The following VPS13B variants were observed in gnomAD, a reference collection of about 807,000 sequenced individuals.
VPS13B encodes the protein intermembrane lipid transfer protein VPS13B.
Under a neutral mutation model 426.4 loss-of-function variants are expected in VPS13B, and 285 were observed. That is an observed-to-expected ratio of 0.67 (90% CI 0.61 to 0.74). The LOEUF (loss-of-function observed/expected upper bound fraction) is 0.74, where lower values mean the gene tolerates loss of function less well. Among genes scored for constraint, VPS13B ranks in the 30% least tolerant of loss-of-function variants. The pLI, the probability that VPS13B is intolerant of heterozygous loss-of-function variation, is 0.00. For missense variants in VPS13B, 4,537 were observed against 4,782.6 expected, an observed-to-expected ratio of 0.95 and a Z score of 1.51; for synonymous variants, 1,676 against 1,676.4, an observed-to-expected ratio of 1.00 and a Z score of 0.01.
At chr8:99,798,876 T>A (rs1486850140) in intron 43 of VPS13B, among the ~76,000 whole-genome samples, 1 of 152,212 alleles carries the variant, frequency 6.6e-6, no homozygotes, top group Non-Finnish European at 1.5e-5. Flanking sequence ...ACAGAGTACT[T>A]GGAGAAAGGT....
intron 8 of VPS13B, 73 bp from the exon 9 acceptor site, chr8:99,134,559 T>C (rs1342195981): frequency 8.0e-7 from 1 of 1,250,730 alleles, no homozygotes; most frequent in Admixed American, 2.0e-5. Flanking sequence ...TTTTAATCAA[T>C]TAATCATCAT....
intron 17 of VPS13B, among the ~76,000 whole-genome samples, chr8:99,215,969 A>G (rs1040873921): frequency 1.3e-5 from 2 of 152,196 alleles, no homozygotes; most frequent in African/African-American, 4.8e-5. Context: ...TGTTCTTAAA[A>G]TAATGTTTTC....
chr8:99,478,845 A>G (rs1315608855), intron 24 of VPS13B, among the ~76,000 whole-genome samples: 1 of 152,042 alleles, frequency 6.6e-6, no homozygotes, highest in Non-Finnish European at 1.5e-5. Context: ...AAAAAAAAAA[A>G]AACAAGTTTC....
intron 39 of VPS13B, among the ~76,000 whole-genome samples, chr8:99,742,576 A>G (rs1349708438): frequency 3.3e-5 from 5 of 152,234 alleles, no homozygotes; most frequent in African/African-American, 1.2e-4. Flanking sequence ...AAAATCCTCA[A>G]TAAAATACTG....
intron 34 of VPS13B, among the ~76,000 whole-genome samples, chr8:99,655,073 C>T (rs1437774568): frequency 1.3e-5 from 2 of 152,196 alleles, no homozygotes; most frequent in Non-Finnish European, 2.9e-5. Flanking sequence ...TTTGAAGTCT[C>T]ATTTCAGTCC....
At chr8:99,675,631 C>T (rs142659670) in intron 35 of VPS13B, among the ~76,000 whole-genome samples, 61 of 152,154 alleles carry the variant, frequency 4.0e-4, no homozygotes, top group South Asian at 3.9e-3. Flanking sequence ...AAGCTTTCTT[C>T]GTTCCTTTAC....
In VPS13B at chr8:99,642,324, A is replaced by G. The variant is rs1829403087; in HGVS notation, c.5734A>G (p.Ile1912Val). 2 of 1,614,092 alleles carry G rather than the reference A, an allele frequency of 1.2e-6. No individual in the cohort carries two copies. The highest frequency in any genetic ancestry group is 1.7e-6 in the Non-Finnish European group (2 of 1,179,986). ...SSARQALGITIVRQPGRRGTG... is the reference protein window; with the variant it reads ...SSARQALGITVVRQPGRRGTG... ...TGCTAGACAAGCACTTGGTATAACT[A>G]TTGTTCGGCAGCCTGGTCGAAGAGG... The change falls in exon 34 of 62, where the codon ATT becomes GTT. Residue 1912 changes from isoleucine to valine, a missense_variant. Ile to Val is a conservative substitution (Grantham distance 29, BLOSUM62 3). This residue lies in a region of VPS13B where 4,311 missense variants were observed against 4,474.3 expected (regional missense o/e 0.96). Transcript: ENST00000357162.
chr8:99,125,257 A>G (rs1326971916), intron 8 of VPS13B, among the ~76,000 whole-genome samples: 1 of 152,172 alleles, frequency 6.6e-6, no homozygotes, highest in Non-Finnish European at 1.5e-5. Flanking sequence ...GTAAGTCCCA[A>G]AGTCTAAAAG....
intron 35 of VPS13B, among the ~76,000 whole-genome samples, chr8:99,681,345 C>G (rs1447190144): frequency 6.6e-6 from 1 of 152,190 alleles, no homozygotes; most frequent in East Asian, 1.9e-4. Context: ...TGGGACTGCC[C>G]TAGCCACTCT....
intron 8 of VPS13B, among the ~76,000 whole-genome samples, chr8:99,122,273 A>G (rs1326794149): frequency 6.6e-6 from 1 of 151,744 alleles, no homozygotes; most frequent in Non-Finnish European, 1.5e-5. Flanking sequence ...TTTTTCCAGC[A>G]GTATTTAACA....
chr8:99,557,409 C>A (rs1824646348), intron 31 of VPS13B, among the ~76,000 whole-genome samples: 1 of 151,318 alleles, frequency 6.6e-6, no homozygotes. Context: ...GTTTTCCATT[C>A]CTGAGTTACT....
chr8:99,857,289 C>T (rs919735229), intron 56 of VPS13B, among the ~76,000 whole-genome samples: 5 of 152,146 alleles, frequency 3.3e-5, no homozygotes, highest in Admixed American at 2.6e-4. Flanking sequence ...CCCACGGCAC[C>T]GACCTGAACA....
rs899497389 is a variant in VPS13B at position 99,165,475 on chromosome 8, T to C, written c.2209-4564T>C. On this transcript the variant is annotated intron_variant, in intron 15 of 61. Coordinates refer to ENST00000357162, the MANE Select transcript of VPS13B (RefSeq NM_152564.5). Reference sequence around the variant, plus strand: ...TTTGAAACATATGTAGAAAATTTGGTAATGTGACTGCGTTGTGTAATTTGT... The same window carrying C: ...TTTGAAACATATGTAGAAAATTTGGCAATGTGACTGCGTTGTGTAATTTGT... 6.6e-5 allele frequency among the ~76,000 whole-genome samples: 10 copies of C among 152,242 alleles called. No homozygotes were observed. In the South Asian group the frequency reaches 2.1e-3, roughly 32 times the overall value.
At chr8:99,665,959 T>C (rs975303431) in intron 35 of VPS13B, among the ~76,000 whole-genome samples, 13 of 152,214 alleles carry the variant, frequency 8.5e-5, no homozygotes, top group African/African-American at 3.1e-4. Flanking sequence ...GAGCATGGAA[T>C]GTTCTTCCAT....
Position 99,699,554 on chromosome 8 carries a change from T to A in VPS13B, c.6076T>A (p.Leu2026Met). The A allele has an allele frequency of 6.2e-7, 1 of 1,613,990 alleles. No individual in the cohort carries two copies. The highest frequency in any genetic ancestry group is 1.1e-5 in the South Asian group (1 of 91,068). ...TGTCAATTTGGATATATCAAAGCCTTTGAAAGCAAACCTGAGTTTCACCAA... is the reference window on the plus strand; with the variant it reads ...TGTCAATTTGGATATATCAAAGCCTATGAAAGCAAACCTGAGTTTCACCAA... ...ADVNLDISKP[L>M]KANLSFTKLD... Residue 2026 changes from leucine to methionine, a missense_variant, in exon 36 of 62, where the codon TTG (leucine) becomes ATG (methionine). Leu to Met is a conservative substitution (Grantham distance 15). This residue lies in a region of VPS13B where 4,311 missense variants were observed against 4,474.3 expected (regional missense o/e 0.96). Coordinates refer to ENST00000357162, the MANE Select transcript of VPS13B (RefSeq NM_152564.5).
At chr8:99,572,666 T>G (rs1825542138) in intron 31 of VPS13B, among the ~76,000 whole-genome samples, 1 of 152,248 alleles carries the variant, frequency 6.6e-6, no homozygotes, top group Admixed American at 6.5e-5. Context: ...TATTCCATGG[T>G]GTATATGTGC....
chr8:99,238,030 C>T (rs886525333), intron 17 of VPS13B, among the ~76,000 whole-genome samples: 10 of 152,160 alleles, frequency 6.6e-5, no homozygotes, highest in Middle Eastern at 6.8e-3. Flanking sequence ...CCAGTTCCTT[C>T]CTTAGGTTTG....
intron 39 of VPS13B, among the ~76,000 whole-genome samples, chr8:99,728,244 A>G (rs769152164): frequency 1.3e-5 from 2 of 152,194 alleles, no homozygotes; most frequent in African/African-American, 4.8e-5. Context: ...ATCTTGAATG[A>G]TGGTTAATCC....
At chr8:99,752,835 C>T (rs1402274232) in intron 39 of VPS13B, among the ~76,000 whole-genome samples, 2 of 152,134 alleles carry the variant, frequency 1.3e-5, no homozygotes, top group African/African-American at 4.8e-5. Flanking sequence ...ACCTTTTTAG[C>T]TTTAAAACAA....
Sources: allele counts gnomAD v4.1 joint callset (sites outside exome capture counted in the v4.1 genomes callset), GRCh38; gene constraint gnomAD v4.1.1; regional missense constraint gnomAD v4.1.1; transcripts MANE v1.5; gene names NCBI Gene and HGNC (gene_info 2026-07-23, HGNC 2026-07-21).